Variants in SERPINA12 observed in about 807,000 individuals in gnomAD.
SERPINA12 encodes the protein serpin family A member 12.
Under a neutral mutation model 25.9 loss-of-function variants are expected in SERPINA12, and 21 were observed. That is an observed-to-expected ratio of 0.81 (90% CI 0.58 to 1.17). The LOEUF is 1.17. SERPINA12 is among the 50% of genes most tolerant of loss of function. The pLI is 0.00. For synonymous variants in SERPINA12, 220 were observed against 196.0 expected, an observed-to-expected ratio of 1.12 and a Z score of -1.02; for missense variants, 562 against 508.3, an observed-to-expected ratio of 1.11 and a Z score of -1.02.
intron 4 of SERPINA12, among the ~76,000 whole-genome samples, chr14:94,488,966 G>A (rs113512871): frequency 0.16 from 23,602 of 151,840 alleles, 1,930 homozygotes; most frequent in African/African-American, 0.18. Flanking sequence ...GCATGGTGGC[G>A]GGCGCCTGTA....
At chr14:94,495,071 T>TTTA (rs1555377349) in intron 3 of SERPINA12, among the ~76,000 whole-genome samples, 5 of 139,778 alleles carry the variant, frequency 3.6e-5, no homozygotes, top group African/African-American at 1.4e-4. Context: ...TTTCTTTTTT[T>TTTA]TTTTTTTTTT....
rs1320340550 is a variant in SERPINA12, at chr14:94,489,509, G to A, written c.1053+111C>T. ...GCACAGCTGCATTCATGCCCGCCCC[G>A]ACTGGTGGGTGGAGTCTCGGCTCTG... On this transcript the variant is annotated intron_variant, in intron 4 of 4. Transcript: ENST00000677451. 12 of 1,286,106 alleles carry A rather than the reference G, an allele frequency of 9.3e-6. No individual in the cohort carries two copies. In the Admixed American group the frequency reaches 1.6e-4, roughly 17 times the overall value. 79.7% of individuals were successfully genotyped at this position (1,286,106 alleles called of 1,614,324 possible). A position where few individuals can be genotyped will look rare whatever the true frequency, so the allele number is the denominator to read the frequency against.
intron 3 of SERPINA12, among the ~76,000 whole-genome samples, chr14:94,493,855 G>A (rs549272312): frequency 2.6e-5 from 4 of 152,320 alleles, no homozygotes; most frequent in African/African-American, 9.6e-5. Flanking sequence ...GAAGCCTGAA[G>A]CCAGAGAGAT....
intron 1 of SERPINA12, among the ~76,000 whole-genome samples, chr14:94,506,956 A>G (rs938834756): frequency 6.6e-6 from 1 of 152,226 alleles, no homozygotes; most frequent in African/African-American, 2.4e-5. Context: ...GAGACAGACA[A>G]GCTGACCAAT....
chr14:94,504,749 C>T (rs901191600), intron 1 of SERPINA12, among the ~76,000 whole-genome samples: 2 of 152,200 alleles, frequency 1.3e-5, no homozygotes, highest in African/African-American at 4.8e-5. Context: ...ATTTGTTGTG[C>T]TGGAGTGGTG....
chr14:94,498,510 T>C lies in SERPINA12; in HGVS notation c.-33-80A>G, dbSNP rs966869369. 7.0e-6 allele frequency: 8 copies of C among 1,143,166 alleles called. No individual in the cohort carries two copies. In the African/African-American group the frequency reaches 9.3e-5, roughly 13 times the overall value. 70.8% of individuals were successfully genotyped at this position (1,143,166 alleles called of 1,614,324 possible). On this transcript the variant is annotated intron_variant, in intron 1 of 4. Coordinates refer to ENST00000677451, the MANE Select transcript of SERPINA12 (RefSeq NM_001382267.1). ...GAGGAAGACCAGATGAAAGAAGAAA[T>C]ACAGTGACTATTATGTGTTGTACAT...
intron 3 of SERPINA12, among the ~76,000 whole-genome samples, chr14:94,495,060 C>CTTTATTTTTTTTT (rs1427863532): frequency 7.8e-6 from 1 of 127,412 alleles, no homozygotes; most frequent in African/African-American, 3.6e-5. Flanking sequence ...CAGAATTTCC[C>CTTTATTTTTTTTT]TTTCTTTTTT....
intron 1 of SERPINA12, among the ~76,000 whole-genome samples, chr14:94,516,835 A>C (rs1455833098): frequency 1.3e-5 from 2 of 152,216 alleles, no homozygotes; most frequent in Non-Finnish European, 2.9e-5. Flanking sequence ...ACTTCTGAAC[A>C]CAGGGGTCAG....
chr14:94,490,485 C>A (rs898666183), intron 3 of SERPINA12, among the ~76,000 whole-genome samples: 1 of 151,982 alleles, frequency 6.6e-6, no homozygotes, highest in East Asian at 1.9e-4. Flanking sequence ...TCCCACCTAC[C>A]CAAGGATCTC....
At chr14:94,513,659 G>T (rs1164624625), upstream of SERPINA12, among the ~76,000 whole-genome samples, 1 of 152,196 alleles carries the variant, frequency 6.6e-6, no homozygotes, top group Non-Finnish European at 1.5e-5. Flanking sequence ...TGTGACTTCG[G>T]AATTTTGCAG....
intron 3 of SERPINA12, 73 bp from the exon 4 acceptor site, chr14:94,489,840 C>G: frequency 6.9e-7 from 1 of 1,449,210 alleles, no homozygotes; most frequent in Non-Finnish European, 9.5e-7. Flanking sequence ...GGATACATGA[C>G]CAATGAAACA....
At chr14:94,507,703 G>A (rs111388199) in intron 1 of SERPINA12, among the ~76,000 whole-genome samples, 4 of 152,322 alleles carry the variant, frequency 2.6e-5, no homozygotes, top group African/African-American at 9.6e-5. Flanking sequence ...ACACGAGGAC[G>A]TGGAGCAAGT....
chr14:94,495,229 C>T (rs1170387865), intron 3 of SERPINA12, among the ~76,000 whole-genome samples: 7 of 151,138 alleles, frequency 4.6e-5, no homozygotes, highest in Non-Finnish European at 7.4e-5. Context: ...CCACTACGCC[C>T]GGCTAATTTT....
intron 2 of SERPINA12, among the ~76,000 whole-genome samples, chr14:94,514,593 G>A (rs1443696172): frequency 6.6e-6 from 1 of 152,232 alleles, no homozygotes; most frequent in East Asian, 1.9e-4. Context: ...TTGGGCATTG[G>A]GGGTGGGGTG....
intron 1 of SERPINA12, among the ~76,000 whole-genome samples, chr14:94,506,581 C>A (rs1044919320): frequency 3.9e-5 from 6 of 152,204 alleles, no homozygotes; most frequent in Admixed American, 6.5e-5. Context: ...AGTGAGTGAA[C>A]AATCTAATGC....
chr14:94,517,663 TAAG>T (rs904442183), exon 1 of SERPINA12: 10 of 152,230 alleles, frequency 6.6e-5, no homozygotes, highest in African/African-American at 2.4e-4. Flanking sequence ...TTTCCCAACT[TAAG>T]AAGAAGGCCC....
At chr14:94,497,694 C>T in intron 2 of SERPINA12, 70 bp downstream of exon 2, 1 of 1,461,068 alleles carries the variant, frequency 6.8e-7, no homozygotes. Context: ...AACAAGTGGC[C>T]AACCCAGGTT....
At chr14:94,494,498 G>C (rs1900311556) in intron 3 of SERPINA12, among the ~76,000 whole-genome samples, 1 of 152,160 alleles carries the variant, frequency 6.6e-6, no homozygotes, top group Non-Finnish European at 1.5e-5. Flanking sequence ...ATGGAAGGGG[G>C]GAGCTAAGTG....
At chr14:94,510,159 C>T, upstream of SERPINA12, 1 of 985,410 alleles carries the variant, frequency 1.0e-6, no homozygotes, top group Non-Finnish European at 1.2e-6. Context: ...GTGTACTCAC[C>T]TGTACAATGG....
Sources: gnomAD v4.1 joint callset for allele counts (sites outside exome capture counted in the v4.1 genomes callset) on GRCh38, gnomAD v4.1.1 for gene constraint, MANE v1.5 for transcripts, NCBI Gene and HGNC (gene_info 2026-07-23, HGNC 2026-07-21) for gene names.